NFATC1: variants seen among roughly 807,000 people sequenced by gnomAD.
The protein encoded by NFATC1 is nuclear factor of activated T cells 1, also known as nuclear factor of activated T-cells, cytoplasmic 1.
Under a neutral mutation model 76.0 loss-of-function variants are expected in NFATC1, and 22 were observed. That is an observed-to-expected ratio of 0.29 (90% confidence interval 0.21 to 0.41). The LOEUF (loss-of-function observed/expected upper bound fraction) is 0.41, where lower values mean the gene tolerates loss of function less well. Among genes scored for constraint, NFATC1 ranks in the 10% least tolerant of loss-of-function variants. The pLI is 1.00. For synonymous variants in NFATC1, 704 were observed against 613.1 expected (o/e 1.15, Z -2.19); for missense variants, 1,357 against 1,337.7 (o/e 1.01, Z -0.23).
chr18:79,436,321 G>A (rs946070752), intron 3 of NFATC1, among the ~76,000 whole-genome samples: 6 of 152,226 alleles, frequency 3.9e-5, no homozygotes, highest in Admixed American at 1.3e-4. Flanking sequence ...CAACTGGCGC[G>A]GGAGTTTCCT....
intron 9 of NFATC1, among the ~76,000 whole-genome samples, chr18:79,513,972 C>T (rs1234409498): frequency 6.6e-6 from 1 of 152,220 alleles, no homozygotes; most frequent in African/African-American, 2.4e-5. Context: ...GCTCACTGTG[C>T]TTCAGGCTCC....
At chr18:79,400,381 C>CCCCGGG in intron 1 of NFATC1, 2 of 1,479,784 alleles carry the variant, frequency 1.4e-6, no homozygotes, top group Non-Finnish European at 1.8e-6. Context: ...CCGGCCCCGG[C>CCCCGGG]CCGACCCGCC....
intron 8 of NFATC1, among the ~76,000 whole-genome samples, chr18:79,475,723 C>T (rs1321733400): frequency 2.0e-5 from 3 of 152,248 alleles, no homozygotes; most frequent in African/African-American, 4.8e-5. Context: ...TCCCAGGAGA[C>T]CTCCCCAAAA....
intron 2 of NFATC1, among the ~76,000 whole-genome samples, chr18:79,430,265 G>T (rs968359828): frequency 1.3e-5 from 2 of 152,180 alleles, no homozygotes; most frequent in Non-Finnish European, 2.9e-5. Flanking sequence ...ACCAGCGGTG[G>T]GGGGAGGCGG....
chr18:79,493,152 C>A (rs73498311), intron 9 of NFATC1, among the ~76,000 whole-genome samples: 12,414 of 152,274 alleles, frequency 0.082, 1,639 homozygotes, highest in African/African-American at 0.28. Flanking sequence ...CCACAGAGCT[C>A]CGTGTGGCTC....
intron 2 of NFATC1, 141 bp from the exon 3 acceptor site, chr18:79,433,437 AC>A (rs1165386262): frequency 2.2e-5 from 22 of 993,240 alleles, no homozygotes; most frequent in Non-Finnish European, 3.4e-5. Flanking sequence ...CTGCATTGAC[AC>A]AGGCTTCTCC....
chr18:79,512,646 G>GTGCCTCCCCCGTT (rs1476578181), intron 9 of NFATC1, among the ~76,000 whole-genome samples: 1 of 152,070 alleles, frequency 6.6e-6, no homozygotes, highest in Non-Finnish European at 1.5e-5. Context: ...TGGGCCCCGT[G>GTGCCTCCCCCGTT]TGCCTCCCCC....
chr18:79,396,257 G>C lies in NFATC1; in HGVS notation c.33G>C (p.Lys11Asn), dbSNP rs762079349. The C allele has an allele frequency of 6.7e-7, 1 of 1,492,894 alleles. No homozygotes were observed. Among genetic ancestry groups the C allele is most frequent in the Non-Finnish European group, 9.0e-7 (1 of 1,113,894 alleles). The allele number at this position is 1,492,894 out of a possible 1,614,324, so 92.5% of individuals were successfully genotyped here. Reference protein sequence around the residue: MPSTSFPVPSKFPLGPAAAVF... With the variant: MPSTSFPVPSNFPLGPAAAVF... The stretch of plus-strand genomic sequence containing the variant: ...GCACCAGCTTTCCAGTCCCTTCCAA[G>C]TTTCCACTTGGCCCTGCGGCTGCGG... Residue 11 changes from lysine (K) to asparagine (N), a missense_variant, in exon 1 of 10, where the codon AAG (lysine) becomes AAC (asparagine). Lys to Asn is a moderately conservative substitution (Grantham distance 94). Transcript: ENST00000427363.
chr18:79,512,276 G>A (rs1042769857), intron 9 of NFATC1, among the ~76,000 whole-genome samples: 10 of 152,170 alleles, frequency 6.6e-5, no homozygotes, highest in African/African-American at 2.4e-4. Context: ...CACTGCCCTG[G>A]GAGGTAAATA....
chr18:79,449,223 A>G (rs2087352262), intron 4 of NFATC1, among the ~76,000 whole-genome samples: 2 of 151,934 alleles, frequency 1.3e-5, no homozygotes, highest in South Asian at 4.2e-4. Context: ...AGCTATAAAT[A>G]CCTCCCTCTG....
intron 2 of NFATC1, among the ~76,000 whole-genome samples, chr18:79,424,266 G>A (rs757354089): frequency 2.0e-4 from 30 of 152,106 alleles, no homozygotes; most frequent in Non-Finnish European, 3.5e-4. Flanking sequence ...GCCGGGCTCC[G>A]GGCTGCCCTC....
At chr18:79,420,487 C>G (rs578098103) in intron 2 of NFATC1, among the ~76,000 whole-genome samples, 25 of 143,734 alleles carry the variant, frequency 1.7e-4, no homozygotes, top group African/African-American at 6.5e-4. Context: ...CAGGTGACTT[C>G]GCTGCAGAGA....
Position 79,433,617 on chromosome 18 carries a change from A to T in NFATC1, c.1265A>T (p.His422Leu), listed in dbSNP as rs756595272. Reference sequence around the variant, plus strand: ...GCCCTGGACTGGCAGCTGCCGTCCCACTCAGGCCCGTATGAGCTTCGGATT... The same window carrying T: ...GCCCTGGACTGGCAGCTGCCGTCCCTCTCAGGCCCGTATGAGCTTCGGATT... ...LPALDWQLPS[H>L]SGPYELRIEV... Residue 422 changes from histidine to leucine, a missense_variant, in exon 3 of 10, where the codon CAC (histidine) becomes CTC (leucine). Around this residue, in one of 3 missense-constraint regions of NFATC1, gnomAD observed 691 missense variants for 613.1 expected, o/e 1.13. Transcript: ENST00000427363. 12 of 1,611,192 alleles carry T rather than the reference A, an allele frequency of 7.4e-6. No homozygotes were observed. The highest frequency in any genetic ancestry group is 1.3e-5 in the African/African-American group (1 of 74,222).
rs550510595 is a variant in NFATC1 at position 79,516,250 on chromosome 18, C to T, written c.2783-11278C>T. Among the ~76,000 whole-genome samples the T allele has an allele frequency of 5.1e-4, 77 of 152,272 alleles. 1 individual carries two copies. The highest frequency in any genetic ancestry group is 1.8e-3 in the African/African-American group (76 of 41,550). ...TTATGAAAACTGTGACTTGTCAGGC[C>T]GTCCCTCCGTTGTCCCGTCCTCTCC... is the stretch of plus-strand genomic sequence containing the variant. On this transcript the variant is annotated intron_variant, in intron 9 of 9. Coordinates refer to ENST00000427363, the MANE Select transcript of NFATC1 (RefSeq NM_001278669.2).
chr18:79,515,912 G>A (rs1489896676), intron 9 of NFATC1: 2 of 151,972 alleles, frequency 1.3e-5, no homozygotes, highest in Non-Finnish European at 2.9e-5. Context: ...AACTGCAAGT[G>A]GTGGTTTAAT....
rs1313848864 is a variant in NFATC1 at position 79,411,370 on chromosome 18, C to T, written c.1095C>T (p.Asp365=). The T allele has an allele frequency of 6.3e-7, 1 of 1,586,980 alleles. No homozygotes were observed. The highest frequency in any genetic ancestry group is 1.8e-5 in the Admixed American group (1 of 56,330). The change falls in exon 2 of 10, where the codon GAC becomes GAT. Residue 365 remains aspartate, a synonymous_variant. Transcript: ENST00000427363. ...TGGGCAGCCCCCCGCCCCCGGCCGACTTCGCGCCCGAAGACTACTCCTCTT... is the reference window on the plus strand; with the variant it reads ...TGGGCAGCCCCCCGCCCCCGGCCGATTTCGCGCCCGAAGACTACTCCTCTT... ...EDLGSPPPPA[D]FAPEDYSSFQ...
At chr18:79,526,584 G>A (rs1410435354) in intron 9 of NFATC1, among the ~76,000 whole-genome samples, 1 of 152,242 alleles carries the variant, frequency 6.6e-6, no homozygotes, top group Non-Finnish European at 1.5e-5. Flanking sequence ...AGCCTCGGGT[G>A]TGTGTTTGCA....
chr18:79,411,205 G>T lies in NFATC1; in HGVS notation c.930G>T (p.Ser310=), dbSNP rs369198947. 40 of 1,608,916 alleles carry T rather than the reference G, an allele frequency of 2.5e-5. No homozygotes were observed. Among genetic ancestry groups the T allele is most frequent in the Non-Finnish European group, 2.9e-5 (34 of 1,179,862 alleles). Residue 310 remains serine (S), a synonymous_variant, in exon 2 of 10, where the codon TCG becomes TCT. Transcript: ENST00000427363. ...GCAACACCACCCAGTACACCAGCTC[G>T]GCCATCGTGGCCGCCATCAACGCGC... ...WLGNTTQYTS[S]AIVAAINALT... is the part of the protein sequence containing the mutation.
At chr18:79,501,445 A>G (rs1027639133) in intron 9 of NFATC1, among the ~76,000 whole-genome samples, 2 of 152,220 alleles carry the variant, frequency 1.3e-5, no homozygotes, top group Non-Finnish European at 2.9e-5. Context: ...GGCCACTTTC[A>G]CTGCTGCTAC....
Sources: gnomAD v4.1 joint callset for allele counts (sites outside exome capture counted in the v4.1 genomes callset) on GRCh38, gnomAD v4.1.1 for gene constraint, gnomAD v4.1.1 regional missense constraint, MANE v1.5 for transcripts, NCBI Gene and HGNC (gene_info 2026-07-23, HGNC 2026-07-21) for gene names.